The following ZNRF3 variants were observed in gnomAD, a reference collection of about 807,000 sequenced individuals.
ZNRF3 encodes zinc and ring finger 3.
ZNRF3 carries 23 observed loss-of-function variants against 72.5 expected under a neutral mutation model. The ratio of observed to expected loss-of-function variants is 0.32; its 90% confidence interval spans 0.23 to 0.45. The LOEUF (loss-of-function observed/expected upper bound fraction) is 0.45, where lower values mean the gene tolerates loss of function less well. ZNRF3 is among the 20% of genes least tolerant of loss of function. The probability of loss-of-function intolerance (pLI) is 1.00; values close to 1 mark genes in which losing one functional copy is unlikely to be tolerated. For synonymous variants in ZNRF3, 610 were observed against 545.3 expected (o/e 1.12, Z -1.65); for missense variants, 1,169 against 1,272.1 (o/e 0.92, Z 1.23).
At chr22:28,920,541 G>A (rs5762895) in intron 1 of ZNRF3, among the ~76,000 whole-genome samples, 10,347 of 152,238 alleles carry the variant, frequency 0.068, 453 homozygotes, top group East Asian at 0.13. Flanking sequence ...AGAGTACTGG[G>A]ATTACAGGCG....
chr22:28,957,940 C>T (rs2035289569), intron 1 of ZNRF3, among the ~76,000 whole-genome samples: 1 of 151,938 alleles, frequency 6.6e-6, no homozygotes, highest in African/African-American at 2.4e-5. Flanking sequence ...AATCAATCAG[C>T]ACTTTGGGAG....
intron 1 of ZNRF3, among the ~76,000 whole-genome samples, chr22:28,893,937 G>A (rs141277911): frequency 6.6e-6 from 1 of 152,052 alleles, no homozygotes; most frequent in Non-Finnish European, 1.5e-5. Flanking sequence ...AGGTCGCCAT[G>A]TATGTTTCTA....
chr22:29,052,817 A>T (rs2037231361), intron 8 of ZNRF3, among the ~76,000 whole-genome samples: 1 of 150,554 alleles, frequency 6.6e-6, no homozygotes, highest in Non-Finnish European at 1.5e-5. Flanking sequence ...CTTAAAAAAA[A>T]ATTTAAAAAA....
intron 1 of ZNRF3, among the ~76,000 whole-genome samples, chr22:28,969,250 C>G (rs903614830): frequency 1.3e-5 from 2 of 152,244 alleles, no homozygotes; most frequent in African/African-American, 4.8e-5. Flanking sequence ...CATTCAGACT[C>G]AAAGCACAGC....
rs1316179585 is a variant in ZNRF3 at position 29,053,602 on chromosome 22, A to G, written c.2791A>G (p.Ser931Gly). The change falls in exon 9 of 9, where the codon AGC (serine) becomes GGC (glycine). Residue 931 changes from serine to glycine, a missense_variant. By Grantham distance (56) the Ser-to-Gly change is moderately conservative. Around this residue, in one of 2 missense-constraint regions of ZNRF3, gnomAD observed 783 missense variants for 731.4 expected, o/e 1.07. Coordinates refer to ENST00000544604, the MANE Select transcript of ZNRF3 (RefSeq NM_001206998.2). ...AGGACCGAGATCTCACTCAGCAGAC[A>G]GCAGCAGCCCGGGAGCCTGAGCTCA... ...AAGPRSHSAD[S>G]SSPGA 2.5e-6 allele frequency: 4 copies of G among 1,613,840 alleles called. No homozygotes were observed. Among genetic ancestry groups the G allele is most frequent in the Non-Finnish European group, 3.4e-6 (4 of 1,179,818 alleles).
At chr22:29,021,614 A>G (rs2036540940) in intron 2 of ZNRF3, among the ~76,000 whole-genome samples, 2 of 151,908 alleles carry the variant, frequency 1.3e-5, no homozygotes. Flanking sequence ...CAGCCTCCCA[A>G]GTAGCTGGGA....
At chr22:29,034,940 G>A (rs1364816337) in intron 2 of ZNRF3, among the ~76,000 whole-genome samples, 1 of 150,690 alleles carries the variant, frequency 6.6e-6, no homozygotes, top group Non-Finnish European at 1.5e-5. Context: ...ATTAATACAT[G>A]GTTAATGCAA....
chr22:28,993,534 A>T (rs749759353), intron 2 of ZNRF3, among the ~76,000 whole-genome samples: 2 of 152,196 alleles, frequency 1.3e-5, no homozygotes, highest in East Asian at 1.9e-4. Context: ...TTCTTTGCAA[A>T]GCACAAATAC....
At position 29,044,764 on chromosome 22, in the gene ZNRF3, C is replaced by T. The variant is rs2037031561; in HGVS notation, c.634-16C>T. 6.3e-7 allele frequency: 1 copy of T among 1,582,180 alleles called. No homozygotes were observed. Among genetic ancestry groups the T allele is most frequent in the Admixed American group, 1.7e-5 (1 of 59,970 alleles). ...GGAGAGAGGCTGTGACTCACTGTGT[C>T]TGTGTTCCGTTCCAGCAACCCACTG... On this transcript the variant is annotated splice_polypyrimidine_tract_variant and intron_variant, in intron 4 of 8. Coordinates refer to ENST00000544604, the MANE Select transcript of ZNRF3 (RefSeq NM_001206998.2).
intron 2 of ZNRF3, among the ~76,000 whole-genome samples, chr22:29,029,255 T>C (rs2036702002): frequency 6.6e-6 from 1 of 152,236 alleles, no homozygotes; most frequent in African/African-American, 2.4e-5. Context: ...AGATCTATTT[T>C]ATTTACTAGT....
chr22:28,986,695 A>C, intron 1 of ZNRF3: 2 of 965,966 alleles, frequency 2.1e-6, no homozygotes, highest in Non-Finnish European at 2.5e-6. Flanking sequence ...CTTGGATACT[A>C]ACATAGCTAG....
intron 1 of ZNRF3, among the ~76,000 whole-genome samples, chr22:28,925,625 C>T (rs2034586761): frequency 6.6e-6 from 1 of 152,238 alleles, no homozygotes; most frequent in African/African-American, 2.4e-5. Flanking sequence ...CACCCATATA[C>T]CCACTATCTA....
At chr22:28,969,198 G>A (rs1306808951) in intron 1 of ZNRF3, among the ~76,000 whole-genome samples, 2 of 152,154 alleles carry the variant, frequency 1.3e-5, no homozygotes, top group Non-Finnish European at 2.9e-5. Context: ...GCTACTTTTA[G>A]TTCCCAGTCC....
Position 29,050,515 on chromosome 22 carries a change from C to T in ZNRF3, c.2334C>T (p.Pro778=), listed in dbSNP as rs1601716845. The change falls in exon 8 of 9, where the codon CCC becomes CCT. Residue 778 remains proline, a synonymous_variant. Transcript: ENST00000544604. ...RTDGVKYEGL[P]CCFYEEKQVA... The stretch of plus-strand genomic sequence containing the variant: ...ATGGGGTGAAATACGAGGGTCTGCC[C>T]TGCTGCTTCTATGAAGAGAAGCAGG... 8.1e-6 allele frequency: 13 copies of T among 1,612,414 alleles called. No homozygotes were observed. Among genetic ancestry groups the T allele is most frequent in the Middle Eastern group, 1.7e-4 (1 of 6,050 alleles).
At chr22:28,992,254 T>A (rs988917238) in intron 2 of ZNRF3, among the ~76,000 whole-genome samples, 1 of 143,632 alleles carries the variant, frequency 7.0e-6, no homozygotes, top group African/African-American at 2.6e-5. Flanking sequence ...GTCAAAGGCT[T>A]GGTTAAAACT....
At chr22:28,960,138 A>G (rs2035330780) in intron 1 of ZNRF3, among the ~76,000 whole-genome samples, 1 of 152,178 alleles carries the variant, frequency 6.6e-6, no homozygotes, top group South Asian at 2.1e-4. Flanking sequence ...TGTGAAGTTC[A>G]TCTTCATCAG....
At chr22:28,913,816 G>A (rs1469080639) in intron 1 of ZNRF3, among the ~76,000 whole-genome samples, 2 of 152,160 alleles carry the variant, frequency 1.3e-5, no homozygotes, top group African/African-American at 2.4e-5. Context: ...AGCCTGTCTT[G>A]TAGGCAGGTG....
In ZNRF3 at chr22:29,032,266, T is replaced by C. The variant is rs554004222; in HGVS notation, c.427-10229T>C. On this transcript the variant is annotated intron_variant, in intron 2 of 8. Transcript: ENST00000544604. ...GGTAGTCATCTGGCCAGCTTTCTTT[T>C]GGTAAAGGTACTAAGGGAGGCTCCC... 3.9e-5 allele frequency among the ~76,000 whole-genome samples: 6 copies of C among 152,326 alleles called. No homozygotes were observed. The South Asian group carries it at 6.2e-4, about 16-fold the overall frequency.
Position 28,984,050 on chromosome 22 carries a change from C to T in ZNRF3, c.301-3026C>T, listed in dbSNP as rs1322830491. 3.3e-5 allele frequency among the ~76,000 whole-genome samples: 5 copies of T among 151,762 alleles called. No individual in the cohort carries two copies. In the East Asian group the frequency reaches 5.8e-4, roughly 18 times the overall value. ...ACATTGTCCTTCACTGTGGGATCCC[C>T]GTGTTAGCTGAGGGCAGTGCTAGGC... On this transcript the variant is annotated intron_variant, in intron 1 of 8. Coordinates refer to ENST00000544604, the MANE Select transcript of ZNRF3 (RefSeq NM_001206998.2).
Sources: gnomAD v4.1 joint callset for allele counts (sites outside exome capture counted in the v4.1 genomes callset) on GRCh38, gnomAD v4.1.1 for gene constraint, gnomAD v4.1.1 regional missense constraint, MANE v1.5 for transcripts, NCBI Gene and HGNC (gene_info 2026-07-23, HGNC 2026-07-21) for gene names.